BRD3: variants seen among roughly 807,000 people sequenced by gnomAD.
The protein encoded by BRD3 is bromodomain-containing protein 3.
BRD3 carries 17 observed loss-of-function variants against 66.8 expected under a neutral mutation model. The ratio of observed to expected loss-of-function variants is 0.25; its 90% CI spans 0.17 to 0.38. BRD3 has a LOEUF of 0.38. BRD3 is among the 10% of genes least tolerant of loss of function. The pLI is 1.00. For missense variants in BRD3, 713 were observed against 956.1 expected, an observed-to-expected ratio of 0.75 and a Z score of 3.35; for synonymous variants, 421 against 393.2, an observed-to-expected ratio of 1.07 and a Z score of -0.84.
chr9:134,043,586 C>T (rs560521231), intron 7 of BRD3, among the ~76,000 whole-genome samples: 1 of 152,238 alleles, frequency 6.6e-6, no homozygotes, highest in Admixed American at 6.5e-5. Flanking sequence ...GCGGTCCAGG[C>T]CCCCGCTCGG....
intron 10 of BRD3, among the ~76,000 whole-genome samples, chr9:134,035,414 G>A (rs1431611187): frequency 6.6e-6 from 1 of 152,168 alleles, no homozygotes. Context: ...GCCTATGGGG[G>A]CTGCCACAAG....
At chr9:134,037,431 C>G (rs1029347340) in intron 9 of BRD3, among the ~76,000 whole-genome samples, 22 of 152,090 alleles carry the variant, frequency 1.4e-4, no homozygotes, top group Admixed American at 6.6e-5. Flanking sequence ...ATGAGCCAGG[C>G]ACGGTGGCGG....
chr9:134,061,111 T>C (rs960108372), intron 1 of BRD3, among the ~76,000 whole-genome samples: 3 of 152,228 alleles, frequency 2.0e-5, no homozygotes, highest in Admixed American at 6.5e-5. Flanking sequence ...CATGGCCCTC[T>C]TGGGGAGCAG....
At chr9:134,049,185 G>A (rs376814479) in intron 5 of BRD3, among the ~76,000 whole-genome samples, 4 of 152,294 alleles carry the variant, frequency 2.6e-5, no homozygotes, top group African/African-American at 9.6e-5. Context: ...AGACGCGCAT[G>A]TTTAACGTCC....
chr9:134,034,504 C>T, intron 11 of BRD3, 197 bp downstream of exon 11: 1 of 718,216 alleles, frequency 1.4e-6, no homozygotes, highest in Non-Finnish European at 2.2e-6. Context: ...GTGCACACCT[C>T]CCTGCAGGGT....
intron 9 of BRD3, chr9:134,036,703 T>G: frequency 1.0e-6 from 1 of 964,374 alleles, no homozygotes; most frequent in Non-Finnish European, 1.6e-6. Context: ...ATATCAATAA[T>G]TATGTGAAAT....
rs754045493 is a variant in BRD3 at position 134,048,088 on chromosome 9, C to A, written c.1081G>T (p.Val361Leu). The A allele has an allele frequency of 6.4e-7, 1 of 1,563,984 alleles. No homozygotes were observed. Among genetic ancestry groups the A allele is most frequent in the Non-Finnish European group, 8.7e-7 (1 of 1,153,014 alleles). Reference sequence around the variant, plus strand: ...CCTGCCGCGCGGCCACGTACTTTCACGGTGCTGAGGTCCATCGGGTGCTTG... The same window carrying A: ...CCTGCCGCGCGGCCACGTACTTTCAAGGTGCTGAGGTCCATCGGGTGCTTG... Reference protein sequence around the residue: ...IIKHPMDLSTVKRKMDGREYP... With the variant: ...IIKHPMDLSTLKRKMDGREYP... The change falls in exon 6 of 12, where the codon GTG (valine) becomes TTG (leucine). Residue 361 changes from valine to leucine, a missense_variant. By Grantham distance (32) the Val-to-Leu change is conservative (BLOSUM62 1). This residue lies in a region of BRD3 where 418 missense variants were observed against 609.3 expected (regional missense o/e 0.69). Transcript: ENST00000303407.
chr9:134,036,556 T>G, intron 9 of BRD3: 1 of 1,610,778 alleles, frequency 6.2e-7, no homozygotes, highest in Non-Finnish European at 8.5e-7. Context: ...CTACACCCCA[T>G]AGGCGTCTCA....
intron 11 of BRD3, chr9:134,034,363 A>C: frequency 4.9e-5 from 12 of 242,938 alleles, no homozygotes; most frequent in East Asian, 9.0e-5. Context: ...CTGCCAGGGA[A>C]CAGTCAGAAA....
intron 10 of BRD3, among the ~76,000 whole-genome samples, chr9:134,035,516 G>A (rs923108364): frequency 2.6e-5 from 4 of 152,186 alleles, no homozygotes; most frequent in African/African-American, 9.6e-5. Flanking sequence ...GGAAGCCTGG[G>A]CCGGTGCCCC....
rs1290067129 is a variant in BRD3 at position 134,031,069 on chromosome 9, T to C, written c.*2521A>G. Reference sequence around the variant, plus strand: ...TCGAAACTCTGAAAAGAAACCAGTGTTGAAGTCTGGACAGAAAGCCTTAAA... The same window carrying C: ...TCGAAACTCTGAAAAGAAACCAGTGCTGAAGTCTGGACAGAAAGCCTTAAA... On this transcript the variant is annotated 3_prime_UTR_variant, in exon 12 of 12. Transcript: ENST00000303407. The C allele has an allele frequency of 4.3e-6, 1 of 230,220 alleles. No individual in the cohort carries two copies. Among genetic ancestry groups the C allele is most frequent in the Non-Finnish European group, 8.6e-6 (1 of 116,256 alleles). 14.3% of individuals were successfully genotyped at this position (230,220 alleles called of 1,614,324 possible).
chr9:134,051,769 C>T (rs1830301985), intron 3 of BRD3, 60 bp from the exon 4 acceptor site: 1 of 1,536,894 alleles, frequency 6.5e-7, no homozygotes, highest in Admixed American at 2.4e-5. Context: ...TTGCAAAGGA[C>T]ATTATTAGTT....
At chr9:134,037,834 A>T (rs914091151) in intron 9 of BRD3, among the ~76,000 whole-genome samples, 1 of 152,250 alleles carries the variant, frequency 6.6e-6, no homozygotes, top group African/African-American at 2.4e-5. Flanking sequence ...TGAAAAAGAC[A>T]CATCACTACA....
At chr9:134,060,717 C>T (rs1830522519) in intron 1 of BRD3, among the ~76,000 whole-genome samples, 1 of 152,206 alleles carries the variant, frequency 6.6e-6, no homozygotes. Context: ...CTGGGTCCCA[C>T]TCATGCCCCA....
chr9:134,053,557 C>G lies in BRD3; in HGVS notation c.-80G>C, dbSNP rs563137781. 3 of 1,453,904 alleles carry G rather than the reference C, an allele frequency of 2.1e-6. No homozygotes were observed. The highest frequency in any genetic ancestry group is 2.7e-6 in the Non-Finnish European group (3 of 1,106,326). The allele number at this position is 1,453,904 out of a possible 1,614,324, so 90.1% of individuals were successfully genotyped here. ...TGCTTCTACGCTCCCTGAGAAAGCGCGACGTCCCATTTCCGGGCCCAACCA... is the reference window on the plus strand; with the variant it reads ...TGCTTCTACGCTCCCTGAGAAAGCGGGACGTCCCATTTCCGGGCCCAACCA... On this transcript the variant is annotated 5_prime_UTR_variant, in exon 2 of 12. Transcript: ENST00000303407.
rs467387 is a variant in BRD3 at position 134,041,883 on chromosome 9, G to A, written c.1284C>T (p.Pro428=). Reference sequence around the variant, plus strand: ...CGCCCTTGCTCACCATGGGGGCCGCGGGGGCAGGCAGCGCCGGTGCCTCCA... The same window carrying A: ...CGCCCTTGCTCACCATGGGGGCCGCAGGGGCAGGCAGCGCCGGTGCCTCCA... The part of the protein sequence containing the change: ...EPVEAPALPA[P]AAPMVSKGAE... Residue 428 remains proline, a synonymous_variant, in exon 8 of 12, where the codon CCC becomes CCT. Transcript: ENST00000303407. The A allele has an allele frequency of 0.29, 468,213 of 1,610,824 alleles. 74,841 individuals are homozygous for A. Among genetic ancestry groups the A allele is most frequent in the East Asian group, 0.61 (27,493 of 44,788 alleles).
chr9:134,045,708 C>T lies in BRD3; in HGVS notation c.1087-287G>A, dbSNP rs1351965700. ...CACTCAACAAGAAATCCCAGGTTCC[C>T]GTAGGCGTCCCTTGGCCCCTTCCTT... On this transcript the variant is annotated intron_variant, in intron 6 of 11. Transcript: ENST00000303407. This position sits in a 1 kb window ranked among gnomAD's most constrained non-coding sequence, Gnocchi z 4.8. Among the ~76,000 whole-genome samples the T allele has an allele frequency of 1.3e-5, 2 of 152,172 alleles. No homozygotes were observed. Among genetic ancestry groups the T allele is most frequent in the Admixed American group, 6.5e-5 (1 of 15,284 alleles).
At chr9:134,062,817 G>T (rs1335231857) in intron 1 of BRD3, among the ~76,000 whole-genome samples, 1 of 152,228 alleles carries the variant, frequency 6.6e-6, no homozygotes, top group Non-Finnish European at 1.5e-5. Context: ...AAGGGCAGGA[G>T]AGCCACGACT....
In BRD3 at chr9:134,032,697, ATAAC is replaced by A. The variant is rs1564545151; in HGVS notation, c.*889_*892del. 2 of 229,898 alleles carry A rather than the reference ATAAC, an allele frequency of 8.7e-6. No homozygotes were observed. The highest frequency in any genetic ancestry group is 1.8e-4 in the South Asian group (1 of 5,500). The allele number at this position is 229,898 out of a possible 1,614,324, so 14.2% of individuals were successfully genotyped here. On this transcript the variant is annotated 3_prime_UTR_variant, in exon 12 of 12. Coordinates refer to ENST00000303407, the MANE Select transcript of BRD3 (RefSeq NM_007371.4). ...TAAAAATGACCAATGATGTTAATAAATAACTATTTATATACACATAAGCTCGGGA... is the reference window on the plus strand; with the variant it reads ...TAAAAATGACCAATGATGTTAATAAATATTTATATACACATAAGCTCGGGA...
Sources: gnomAD v4.1 joint callset for allele counts (sites outside exome capture counted in the v4.1 genomes callset) on GRCh38, gnomAD v4.1.1 for gene constraint, gnomAD v4.1.1 regional missense constraint, Gnocchi (gnomAD v3.1) non-coding constraint, MANE v1.5 for transcripts, NCBI Gene and HGNC (gene_info 2026-07-23, HGNC 2026-07-21) for gene names.